PPCS: variants seen among roughly 807,000 people sequenced by gnomAD.
PPCS encodes phosphopantothenoylcysteine synthetase.
Under a neutral mutation model 24.6 loss-of-function variants are expected in PPCS, and 17 were observed. The ratio of observed to expected loss-of-function variants is 0.69; its 90% CI spans 0.47 to 1.04. The LOEUF (loss-of-function observed/expected upper bound fraction) is 1.04. Among genes scored for constraint, PPCS ranks in the 50% least tolerant of loss-of-function variants. PPCS has a pLI of 0.00. For synonymous variants in PPCS, 190 were observed against 168.3 expected (o/e 1.13, Z -1.00); for missense variants, 360 against 402.8 (o/e 0.89, Z 0.91).
upstream of PPCS, chr1:42,456,468 G>A: frequency 7.7e-7 from 1 of 1,292,418 alleles, no homozygotes; most frequent in South Asian, 1.6e-5. Context: ...GTAGTGAACC[G>A]CCCACTCAGT....
chr1:42,468,996 A>G (rs1334295523), intron 2 of PPCS, among the ~76,000 whole-genome samples: 3 of 152,052 alleles, frequency 2.0e-5, no homozygotes. Context: ...TCAAAACAGG[A>G]GAAAGTGACA....
downstream of PPCS, among the ~76,000 whole-genome samples, chr1:42,465,672 C>G (rs1352120622): frequency 6.6e-6 from 1 of 152,170 alleles, no homozygotes; most frequent in Admixed American, 6.5e-5. Flanking sequence ...ACCTCTAGCA[C>G]AGTTTTAAAC....
At position 42,459,930 on chromosome 1, in the gene PPCS, A is replaced by G. The variant is rs1643364423; in HGVS notation, c.*4A>G. 2 of 1,600,312 alleles carry G rather than the reference A, an allele frequency of 1.2e-6. No individual in the cohort carries two copies. The highest frequency in any genetic ancestry group is 1.7e-6 in the Non-Finnish European group (2 of 1,173,540). On this transcript the variant is annotated 3_prime_UTR_variant, in exon 3 of 3. Coordinates refer to ENST00000372561, the MANE Select transcript of PPCS (RefSeq NM_024664.4). ...TTTTATAGGTGACAGAAACTGAAGTAAAAAGCCCTTATAGGATCAAAAATT... is the reference window on the plus strand; with the variant it reads ...TTTTATAGGTGACAGAAACTGAAGTGAAAAGCCCTTATAGGATCAAAAATT...
chr1:42,461,269 A>G (rs532260071), downstream of PPCS, among the ~76,000 whole-genome samples: 10 of 152,352 alleles, frequency 6.6e-5, no homozygotes, highest in South Asian at 2.1e-3. Flanking sequence ...TAATCAGGAA[A>G]TGTGACCTTG....
intron 2 of PPCS, among the ~76,000 whole-genome samples, chr1:42,467,106 A>G (rs1217083992): frequency 6.6e-6 from 1 of 152,224 alleles, no homozygotes; most frequent in Non-Finnish European, 1.5e-5. Flanking sequence ...GTATACTGAC[A>G]TGAATGGCTA....
chr1:42,459,405 C>A, intron 2 of PPCS, 198 bp from the exon 3 acceptor site: 1 of 590,470 alleles, frequency 1.7e-6, no homozygotes, highest in East Asian at 2.8e-5. Flanking sequence ...AAGCGATCCA[C>A]CCATCCTGGC....
Position 42,456,588 on chromosome 1 carries a change from C to A in PPCS, c.23C>A (p.Ala8Asp). 1 of 1,498,644 alleles carries A rather than the reference C, an allele frequency of 6.7e-7. No individual in the cohort carries two copies. The highest frequency in any genetic ancestry group is 1.3e-5 in the South Asian group (1 of 74,316). The allele number at this position is 1,498,644 out of a possible 1,614,324, so 92.8% of individuals were successfully genotyped here. MAEMDPVAEFPQPPGAAR... is the reference protein window; with the variant it reads MAEMDPVDEFPQPPGAAR... Reference sequence around the variant, plus strand: ...CAGATGGCGGAAATGGATCCGGTAGCCGAGTTCCCCCAGCCTCCCGGTGCT... The same window carrying A: ...CAGATGGCGGAAATGGATCCGGTAGACGAGTTCCCCCAGCCTCCCGGTGCT... The change falls in exon 1 of 3, where the codon GCC becomes GAC. Residue 8 changes from alanine (A) to aspartate (D), a missense_variant. This residue lies in a region of PPCS where 244 missense variants were observed against 234.7 expected (regional missense o/e 1.04). Transcript: ENST00000372561.
At chr1:42,472,965 T>C (rs1030983178) in intron 2 of PPCS, among the ~76,000 whole-genome samples, 5 of 152,182 alleles carry the variant, frequency 3.3e-5, no homozygotes, top group Admixed American at 3.3e-4. Context: ...TACATAAGTG[T>C]GATGAAGGTT....
chr1:42,457,107 A>G (rs369496213), intron 1 of PPCS, 34 bp downstream of exon 1: 2 of 1,575,824 alleles, frequency 1.3e-6, no homozygotes, highest in African/African-American at 2.7e-5. Context: ...TTTGCCTGGA[A>G]GCACAGCCTT....
chr1:42,456,617 C>T lies in PPCS; in HGVS notation c.52C>T (p.Arg18Cys). 2 of 1,550,876 alleles carry T rather than the reference C, an allele frequency of 1.3e-6. No homozygotes were observed. Among genetic ancestry groups the T allele is most frequent in the Non-Finnish European group, 1.7e-6 (2 of 1,152,530 alleles). ...GTTCCCCCAGCCTCCCGGTGCTGCG[C>T]GCTGGGCTGAGGTTATGGCTCGCTT... ...AEFPQPPGAA[R>C]WAEVMARFAA... The change falls in exon 1 of 3, where the codon CGC (arginine) becomes TGC (cysteine). Residue 18 changes from arginine (R) to cysteine (C), a missense_variant. Arg to Cys is a radical substitution (Grantham distance 180). Around this residue, in one of 2 missense-constraint regions of PPCS, gnomAD observed 244 missense variants for 234.7 expected, o/e 1.04. Coordinates refer to ENST00000372561, the MANE Select transcript of PPCS (RefSeq NM_024664.4).
At chr1:42,467,041 G>A (rs1390161425) in intron 2 of PPCS, among the ~76,000 whole-genome samples, 3 of 152,208 alleles carry the variant, frequency 2.0e-5, no homozygotes, top group Non-Finnish European at 4.4e-5. Flanking sequence ...TCCAGGTAGA[G>A]TGACCTGAAT....
At chr1:42,457,149 C>T in intron 1 of PPCS, 76 bp downstream of exon 1, 1 of 1,591,662 alleles carries the variant, frequency 6.3e-7, no homozygotes, top group East Asian at 2.2e-5. Flanking sequence ...TTACCTCCTG[C>T]TTACCCACGG....
At chr1:42,457,571 T>C in intron 2 of PPCS, 1 of 572,672 alleles carries the variant, frequency 1.7e-6, no homozygotes, top group African/African-American at 1.9e-5. Flanking sequence ...AGTGGAGGTA[T>C]GTACAAAGTG....
Position 42,460,273 on chromosome 1 carries a change from G to C in PPCS, c.*347G>C, listed in dbSNP as rs952373140. Reference sequence around the variant, plus strand: ...GGTCATGCTTTGGAGATCAAATATTGGTTGAATGCCTATGTATGTCAGGCC... The same window carrying C: ...GGTCATGCTTTGGAGATCAAATATTCGTTGAATGCCTATGTATGTCAGGCC... On this transcript the variant is annotated 3_prime_UTR_variant, in exon 3 of 3. Transcript: ENST00000372561. 8 of 1,016,132 alleles carry C rather than the reference G, an allele frequency of 7.9e-6. No individual in the cohort carries two copies. The highest frequency in any genetic ancestry group is 9.4e-6 in the Non-Finnish European group (8 of 847,930). 62.9% of individuals were successfully genotyped at this position (1,016,132 alleles called of 1,614,324 possible). A position where few individuals can be genotyped will look rare whatever the true frequency, so the allele number is the denominator to read the frequency against.
chr1:42,459,478 C>G, intron 2 of PPCS, 125 bp from the exon 3 acceptor site: 1 of 859,678 alleles, frequency 1.2e-6, no homozygotes, highest in Non-Finnish European at 1.8e-6. Context: ...TTAAACTAAA[C>G]ATTTAACTGA....
chr1:42,457,933 C>T (rs989545877), intron 2 of PPCS, among the ~76,000 whole-genome samples: 24 of 144,534 alleles, frequency 1.7e-4, no homozygotes, highest in African/African-American at 5.7e-4. Context: ...CCAGCCCGGG[C>T]GACGAGAGCG....
intron 2 of PPCS, among the ~76,000 whole-genome samples, chr1:42,458,080 G>A (rs532260109): frequency 3.3e-5 from 5 of 152,290 alleles, no homozygotes; most frequent in African/African-American, 1.2e-4. Flanking sequence ...GTGAACCGAA[G>A]TGCTTTGGTA....
chr1:42,456,565 G>C lies in PPCS; in HGVS notation c.-1G>C. On this transcript the variant is annotated 5_prime_UTR_variant, in exon 1 of 3. Transcript: ENST00000372561. The stretch of plus-strand genomic sequence containing the variant: ...CGCAGGCGCCGGCCGCTGCGCTGCA[G>C]ATGGCGGAAATGGATCCGGTAGCCG... 6.8e-7 allele frequency: 1 copy of C among 1,475,130 alleles called. No individual in the cohort carries two copies. The highest frequency in any genetic ancestry group is 2.5e-5 in the East Asian group (1 of 40,606). The allele number at this position is 1,475,130 out of a possible 1,614,324, so 91.4% of individuals were successfully genotyped here.
chr1:42,462,064 A>C (rs141842630), downstream of PPCS, among the ~76,000 whole-genome samples: 3 of 152,332 alleles, frequency 2.0e-5, no homozygotes, highest in South Asian at 6.2e-4. Context: ...GTTTGTCTTT[A>C]CCATAATTAT....
Sources: allele counts gnomAD v4.1 joint callset (sites outside exome capture counted in the v4.1 genomes callset), GRCh38; gene constraint gnomAD v4.1.1; regional missense constraint gnomAD v4.1.1; transcripts MANE v1.5; gene names NCBI Gene and HGNC (gene_info 2026-07-23, HGNC 2026-07-21).